The following RORA variants were observed in gnomAD, a reference collection of about 807,000 sequenced individuals.
RORA encodes nuclear receptor ROR-alpha.
A neutral mutation model predicts 69.5 loss-of-function variants in RORA; 7 were observed. The ratio of observed to expected loss-of-function variants is 0.10; its 90% CI spans 0.06 to 0.19. RORA has a LOEUF of 0.19. Ranked by LOEUF, RORA falls within the 10% of genes least tolerant of loss-of-function variation. RORA has a pLI of 1.00. For synonymous variants in RORA, 261 were observed against 240.8 expected, an observed-to-expected ratio of 1.08 and a Z score of -0.78; for missense variants, 457 against 663.0, an observed-to-expected ratio of 0.69 and a Z score of 3.41.
intron 1 of RORA, among the ~76,000 whole-genome samples, chr15:60,926,098 T>C (rs1034989488): frequency 5.3e-5 from 8 of 152,154 alleles, no homozygotes; most frequent in Admixed American, 5.2e-4. Context: ...CCAGAAAAGA[T>C]TGCATCAGGG....
chr15:60,504,618 T>C (rs1357937416), intron 6 of RORA, among the ~76,000 whole-genome samples: 2 of 152,184 alleles, frequency 1.3e-5, no homozygotes, highest in African/African-American at 4.8e-5. Flanking sequence ...GACTCTAAAA[T>C]CCTATTTCAT....
chr15:60,571,483 C>G (rs1351928054), intron 2 of RORA, among the ~76,000 whole-genome samples: 2 of 151,984 alleles, frequency 1.3e-5, no homozygotes, highest in East Asian at 1.9e-4. Context: ...AATGAATAGC[C>G]TAGTTTTTAA....
rs143602958 is a variant in RORA, at chr15:60,504,584, C to T, written c.943-917G>A. Among the ~76,000 whole-genome samples the T allele has an allele frequency of 1.2e-3, 185 of 152,190 alleles. 2 individuals are homozygous for T. The highest frequency in any genetic ancestry group is 4.3e-3 in the African/African-American group (179 of 41,528). On this transcript the variant is annotated intron_variant, in intron 6 of 10. Transcript: ENST00000335670. ...ACAAAAAACTGGTGGATATGGGAGCCAGGATTCAAATCCAAGCATCTCTGA... is the reference window on the plus strand; with the variant it reads ...ACAAAAAACTGGTGGATATGGGAGCTAGGATTCAAATCCAAGCATCTCTGA...
chr15:60,632,843 A>C (rs754083189), intron 2 of RORA, among the ~76,000 whole-genome samples: 16 of 152,178 alleles, frequency 1.1e-4, no homozygotes, highest in African/African-American at 3.9e-4. Flanking sequence ...TTTTCCAGAG[A>C]CTGGATTTTG....
At chr15:61,163,973 G>A (rs2079519122) in intron 1 of RORA, among the ~76,000 whole-genome samples, 1 of 152,190 alleles carries the variant, frequency 6.6e-6, no homozygotes, top group South Asian at 2.1e-4. Flanking sequence ...TCAGATCACT[G>A]AGTCTGGGCT....
At chr15:61,218,897 C>A (rs909290140) in intron 1 of RORA, among the ~76,000 whole-genome samples, 3 of 152,152 alleles carry the variant, frequency 2.0e-5, no homozygotes, top group Non-Finnish European at 4.4e-5. Context: ...CAAGGTACAG[C>A]CTTAAATCCT....
intron 1 of RORA, among the ~76,000 whole-genome samples, chr15:60,782,550 C>T (rs765264644): frequency 2.0e-5 from 3 of 152,074 alleles, no homozygotes; most frequent in Non-Finnish European, 4.4e-5. Flanking sequence ...TTTTTAACTG[C>T]AAAGGCGGTC....
At chr15:61,030,390 G>A (rs1896098245) in intron 1 of RORA, among the ~76,000 whole-genome samples, 1 of 152,116 alleles carries the variant, frequency 6.6e-6, no homozygotes, top group Non-Finnish European at 1.5e-5. Context: ...CAGGTATTGG[G>A]GCATGAGGTT....
Position 61,153,107 on chromosome 15 carries a change from A to G in RORA, c.166+75946T>C, listed in dbSNP as rs1012671607. On this transcript the variant is annotated intron_variant, in intron 1 of 10. Transcript: ENST00000335670. ...CAGAAAAAAAGTCACGAGAGTACAC[A>G]GAGGGTTGGACATCCACAAGAAGCC... 3.3e-5 allele frequency among the ~76,000 whole-genome samples: 5 copies of G among 152,302 alleles called. No homozygotes were observed. The East Asian group carries it at 9.7e-4, about 29-fold the overall frequency.
At chr15:61,119,087 G>GGT (rs1555412585) in intron 1 of RORA, among the ~76,000 whole-genome samples, 1 of 134,140 alleles carries the variant, frequency 7.5e-6, no homozygotes, top group Non-Finnish European at 1.6e-5. Flanking sequence ...CAGAAGGGGG[G>GGT]GGGGGGCGCC....
chr15:60,963,298 C>T (rs1224971354), intron 1 of RORA, among the ~76,000 whole-genome samples: 1 of 152,194 alleles, frequency 6.6e-6, no homozygotes, highest in African/African-American at 2.4e-5. Flanking sequence ...GCAGATGGTG[C>T]AGGGGAGCCC....
chr15:61,089,109 T>C (rs2078667403), intron 1 of RORA, among the ~76,000 whole-genome samples: 1 of 152,206 alleles, frequency 6.6e-6, no homozygotes, highest in Admixed American at 6.5e-5. Context: ...CCAGGAGCCA[T>C]ACAACACATG....
chr15:61,108,876 C>G (rs961748484), intron 1 of RORA, among the ~76,000 whole-genome samples: 1 of 152,174 alleles, frequency 6.6e-6, no homozygotes, highest in Non-Finnish European at 1.5e-5. Flanking sequence ...CCAATACTGT[C>G]TGTAAAAAGC....
chr15:60,574,929 C>T (rs912193972), intron 2 of RORA, among the ~76,000 whole-genome samples: 3 of 151,810 alleles, frequency 2.0e-5, no homozygotes, highest in Non-Finnish European at 2.9e-5. Flanking sequence ...TTGTGTCACC[C>T]GGAAGAGCCA....
chr15:60,758,554 G>C (rs2071835397), intron 1 of RORA, among the ~76,000 whole-genome samples: 1 of 152,122 alleles, frequency 6.6e-6, no homozygotes, highest in African/African-American at 2.4e-5. Flanking sequence ...TTCAAATACA[G>C]TTGGGGAGTG....
At chr15:60,632,322 T>A (rs1156974717) in intron 2 of RORA, among the ~76,000 whole-genome samples, 9 of 152,042 alleles carry the variant, frequency 5.9e-5, no homozygotes, top group African/African-American at 2.2e-4. Context: ...TTAGCCAGGA[T>A]GGTCTCGATC....
chr15:60,983,017 G>A (rs939093268), intron 1 of RORA, among the ~76,000 whole-genome samples: 3 of 152,112 alleles, frequency 2.0e-5, no homozygotes, highest in Admixed American at 2.0e-4. Flanking sequence ...ACTGGCGGGT[G>A]GGGAGTGGGG....
intron 1 of RORA, among the ~76,000 whole-genome samples, chr15:61,158,629 T>A (rs73434636): frequency 0.082 from 12,453 of 152,148 alleles, 807 homozygotes; most frequent in South Asian, 0.23. Flanking sequence ...GCTCATCCGC[T>A]CCCCCGAGGT....
At chr15:61,080,481 C>T (rs2078522854) in intron 1 of RORA, among the ~76,000 whole-genome samples, 1 of 152,104 alleles carries the variant, frequency 6.6e-6, no homozygotes, top group South Asian at 2.1e-4. Context: ...GTTTAGAAGG[C>T]GAATGGATGA....
Sources: allele counts gnomAD v4.1 joint callset (sites outside exome capture counted in the v4.1 genomes callset), GRCh38; gene constraint gnomAD v4.1.1; transcripts MANE v1.5; gene names NCBI Gene and HGNC (gene_info 2026-07-23, HGNC 2026-07-21).